The following COL24A1 variants were observed in gnomAD, a reference collection of about 807,000 sequenced individuals.
COL24A1 encodes collagen type XXIV alpha 1 chain.
In COL24A1, 224 loss-of-function variants were observed where a neutral mutation model predicts 253.9. That is an observed-to-expected ratio of 0.88 (90% confidence interval 0.79 to 0.99). The LOEUF is 0.99. Ranked by LOEUF, COL24A1 falls within the 50% of genes least tolerant of loss-of-function variation. The probability of loss-of-function intolerance (pLI) is 0.00; values close to 1 mark genes in which losing one functional copy is unlikely to be tolerated. For synonymous variants in COL24A1, 685 were observed against 673.7 expected (o/e 1.02, Z -0.26); for missense variants, 2,131 against 2,068.5 (o/e 1.03, Z -0.59).
At chr1:85,747,877 T>C (rs1665428388) in intron 55 of COL24A1, among the ~76,000 whole-genome samples, 1 of 152,220 alleles carries the variant, frequency 6.6e-6, no homozygotes. Flanking sequence ...TGGTCTGTTT[T>C]ATACTTTCAT....
intron 55 of COL24A1, among the ~76,000 whole-genome samples, chr1:85,755,457 T>C (rs1238298035): frequency 6.6e-6 from 1 of 152,186 alleles, no homozygotes; most frequent in African/African-American, 2.4e-5. Context: ...GTTAGAGGCA[T>C]CATGTTTCCT....
intron 24 of COL24A1, among the ~76,000 whole-genome samples, chr1:85,914,666 C>T (rs531040118): frequency 3.9e-5 from 6 of 152,162 alleles, no homozygotes; most frequent in Non-Finnish European, 8.8e-5. Flanking sequence ...ATTGGGATTA[C>T]AGGTGTAAGC....
rs1688256135 is a variant in COL24A1, at chr1:85,936,444, G to T, written c.2562+24805C>A. ...GGCAGAAGGGACTATGACCCAAGGG[G>T]ATAAAAGATCTCGTCAGTATGTACT... On this transcript the variant is annotated intron_variant, in intron 24 of 59. Transcript: ENST00000370571. Among the ~76,000 whole-genome samples, 2 of 147,466 alleles carry T rather than the reference G, an allele frequency of 1.4e-5. 1 individual carries two copies. Among genetic ancestry groups the T allele is most frequent in the Non-Finnish European group, 3.0e-5 (2 of 66,678 alleles).
At chr1:85,771,313 C>G (rs1667936312) in intron 53 of COL24A1, among the ~76,000 whole-genome samples, 1 of 152,026 alleles carries the variant, frequency 6.6e-6, no homozygotes, top group Non-Finnish European at 1.5e-5. Flanking sequence ...CATGTGTTCT[C>G]ATTTTTCAAC....
chr1:85,923,865 A>C (rs1429714944), intron 24 of COL24A1, among the ~76,000 whole-genome samples: 1 of 152,214 alleles, frequency 6.6e-6, no homozygotes, highest in African/African-American at 2.4e-5. Context: ...CCTTCAAAAA[A>C]TCAATGAATC....
chr1:85,971,272 A>G (rs755720123), intron 21 of COL24A1, 68 bp downstream of exon 21: 61 of 1,351,438 alleles, frequency 4.5e-5, no homozygotes, highest in Non-Finnish European at 6.3e-5. Context: ...AAGGCCCACA[A>G]TAAATAAAAA....
intron 12 of COL24A1, among the ~76,000 whole-genome samples, chr1:86,044,753 T>A (rs1699772325): frequency 6.6e-6 from 1 of 152,182 alleles, no homozygotes. Context: ...GGTCTCTGAA[T>A]AATTTTATAA....
At chr1:85,989,587 C>A (rs1417044042) in intron 19 of COL24A1, among the ~76,000 whole-genome samples, 1 of 152,036 alleles carries the variant, frequency 6.6e-6, no homozygotes, top group Non-Finnish European at 1.5e-5. Context: ...TCTGAGCATG[C>A]CACTTTGTTA....
chr1:86,031,866 A>G lies in COL24A1; in HGVS notation c.2049+12T>C. 1 of 1,592,970 alleles carries G rather than the reference A, an allele frequency of 6.3e-7. No homozygotes were observed. The highest frequency in any genetic ancestry group is 2.3e-5 in the East Asian group (1 of 44,234). On this transcript the variant is annotated intron_variant, in intron 14 of 59. Coordinates refer to ENST00000370571, the MANE Select transcript of COL24A1 (RefSeq NM_152890.7). ...TATTTTCTTAAGAATGATGATATTT[A>G]GTGATACTCACTCTAAGCCCAGGAA... is the stretch of plus-strand genomic sequence containing the variant.
chr1:86,126,173 C>T lies in COL24A1; in HGVS notation c.163G>A (p.Val55Ile), dbSNP rs549789713. 170 of 1,605,568 alleles carry T rather than the reference C, an allele frequency of 1.1e-4. No individual in the cohort carries two copies. The South Asian group carries it at 1.2e-3, about 11-fold the overall frequency. The change falls in exon 3 of 60, where the codon GTA becomes ATA. Residue 55 changes from valine (V) to isoleucine (I), a missense_variant. Transcript: ENST00000370571. The part of the protein sequence containing the change: ...LHQLGLGGKD[V>I]RHSSPATAVP... ...GCAGTCGCTGGTGATGAGTGTCTTA[C>T]GTCTTTGCCTCCAAGGCCTAGTTGA...
chr1:86,058,068 T>C, intron 9 of COL24A1, 93 bp from the exon 10 acceptor site: 1 of 944,394 alleles, frequency 1.1e-6, no homozygotes. Flanking sequence ...AGAGCTATCA[T>C]TTTCAAAACT....
At chr1:86,057,699 C>A (rs1390870968) in intron 10 of COL24A1, among the ~76,000 whole-genome samples, 1 of 152,060 alleles carries the variant, frequency 6.6e-6, no homozygotes, top group African/African-American at 2.4e-5. Flanking sequence ...TTCTAACATG[C>A]CAGACATTAT....
At chr1:85,805,569 T>A (rs974183329) in intron 47 of COL24A1, among the ~76,000 whole-genome samples, 2 of 152,240 alleles carry the variant, frequency 1.3e-5, no homozygotes, top group African/African-American at 4.8e-5. Context: ...TATGGAGTTT[T>A]AGACTGCCTT....
In COL24A1 at chr1:86,063,349, GTCTC is replaced by G. The variant is rs74793940; in HGVS notation, c.1752+362_1752+365del. On this transcript the variant is annotated intron_variant, in intron 8 of 59. Coordinates refer to ENST00000370571, the MANE Select transcript of COL24A1 (RefSeq NM_152890.7). ...CCTGACATTGTACAAAAAAAATTAAGTCTCTCTCTCTGTGTGTGTGTGTGTGTGT... is the reference window on the plus strand; with the variant it reads ...CCTGACATTGTACAAAAAAAATTAAGTCTCTCTGTGTGTGTGTGTGTGTGT... Among the ~76,000 whole-genome samples the G allele has an allele frequency of 2.0e-5, 3 of 148,612 alleles. No homozygotes were observed. The East Asian group carries it at 5.8e-4, about 29-fold the overall frequency.
chr1:85,895,798 C>T (rs1249322423), intron 31 of COL24A1, 60 bp downstream of exon 31: 2 of 1,362,386 alleles, frequency 1.5e-6, no homozygotes, highest in African/African-American at 2.9e-5. Context: ...TTTGAGCAGC[C>T]CCTTTCCCCC....
At chr1:85,893,572 T>C (rs1377271473) in intron 31 of COL24A1, among the ~76,000 whole-genome samples, 2 of 152,094 alleles carry the variant, frequency 1.3e-5, no homozygotes, top group Non-Finnish European at 2.9e-5. Flanking sequence ...AATAACACAA[T>C]GGATTGTGGT....
chr1:85,945,172 C>A (rs1190636443), intron 24 of COL24A1, among the ~76,000 whole-genome samples: 1 of 151,056 alleles, frequency 6.6e-6, no homozygotes, highest in Non-Finnish European at 1.5e-5. Flanking sequence ...TGTGTGCCAC[C>A]ATGCCTGGCT....
intron 43 of COL24A1, among the ~76,000 whole-genome samples, chr1:85,829,610 C>T (rs1434895117): frequency 1.3e-5 from 2 of 151,924 alleles, no homozygotes; most frequent in African/African-American, 2.4e-5. Context: ...TTCTTGGAGG[C>T]TTTGCTCATT....
At chr1:85,782,216 A>T (rs1481425177) in intron 51 of COL24A1, among the ~76,000 whole-genome samples, 1 of 152,128 alleles carries the variant, frequency 6.6e-6, no homozygotes, top group Non-Finnish European at 1.5e-5. Flanking sequence ...CCTTCCAAGT[A>T]GCTGGGATTA....
Sources: gnomAD v4.1 joint callset for allele counts (sites outside exome capture counted in the v4.1 genomes callset) on GRCh38, gnomAD v4.1.1 for gene constraint, MANE v1.5 for transcripts, NCBI Gene and HGNC (gene_info 2026-07-23, HGNC 2026-07-21) for gene names.